Variants in SLC9C1 observed in about 807,000 individuals in gnomAD.
SLC9C1 encodes the protein sodium/hydrogen exchanger 10.
A neutral mutation model predicts 140.9 loss-of-function variants in SLC9C1; 97 were observed. That is an observed-to-expected ratio of 0.69 (90% confidence interval 0.58 to 0.82). SLC9C1 has a LOEUF of 0.82. Among genes scored for constraint, SLC9C1 ranks in the 40% least tolerant of loss-of-function variants. SLC9C1 has a pLI of 0.00. For synonymous variants in SLC9C1, 440 were observed against 442.6 expected (o/e 0.99, Z 0.07); for missense variants, 1,340 against 1,389.3 (o/e 0.96, Z 0.56).
Position 112,254,433 on chromosome 3 carries a change from T to G in SLC9C1, c.1197+8491A>C, listed in dbSNP as rs558161134. Among the ~76,000 whole-genome samples the G allele has an allele frequency of 3.3e-5, 5 of 152,296 alleles. No individual in the cohort carries two copies. The South Asian group carries it at 6.2e-4, about 19-fold the overall frequency. On this transcript the variant is annotated intron_variant, in intron 10 of 28. Coordinates refer to ENST00000305815, the MANE Select transcript of SLC9C1 (RefSeq NM_183061.3). The stretch of plus-strand genomic sequence containing the variant: ...AGCCAGAAGTGACTGGGGGCTTATA[T>G]TCAACATTCTTAGACAAAAAATCGT...
rs58937356 is a variant in SLC9C1 at position 112,293,112 on chromosome 3, CAAAA to C, written c.-88+977_-88+980del. Among the ~76,000 whole-genome samples, 139 of 128,968 alleles carry C rather than the reference CAAAA, an allele frequency of 1.1e-3. 1 individual carries two copies. Among genetic ancestry groups the C allele is most frequent in the African/African-American group, 2.3e-3 (79 of 33,954 alleles). 84.6% of individuals were successfully genotyped at this position (128,968 alleles called of 152,430 possible). On this transcript the variant is annotated intron_variant, in intron 1 of 28. Transcript: ENST00000305815. ...AGTGAAACTGTCTCTACTAAAAATACAAAAAAAAAAAAAAAAAAATTAGCCAGGT... is the reference window on the plus strand; with the variant it reads ...AGTGAAACTGTCTCTACTAAAAATACAAAAAAAAAAAAAAATTAGCCAGGT...
At chr3:112,266,440 G>GTT in intron 7 of SLC9C1, 100 bp from the exon 8 acceptor site, 3 of 852,354 alleles carry the variant, frequency 3.5e-6, no homozygotes, top group Non-Finnish European at 5.3e-6. Flanking sequence ...ACAGTACCAT[G>GTT]ACTTTTATAG....
chr3:112,160,595 G>T (rs2075268858), intron 26 of SLC9C1, among the ~76,000 whole-genome samples: 1 of 151,794 alleles, frequency 6.6e-6, no homozygotes, highest in African/African-American at 2.4e-5. Flanking sequence ...CAAAGGACAT[G>T]AACTCATCAT....
In SLC9C1 at chr3:112,264,311, A is replaced by G; in HGVS notation, c.911T>C (p.Leu304Pro). The G allele has an allele frequency of 6.8e-7, 1 of 1,477,384 alleles. No homozygotes were observed. The highest frequency in any genetic ancestry group is 9.0e-7 in the Non-Finnish European group (1 of 1,114,448). 91.5% of individuals were successfully genotyped at this position (1,477,384 alleles called of 1,614,324 possible). A position where few individuals can be genotyped will look rare whatever the true frequency, so the allele number is the denominator to read the frequency against. ...AAGTCCAAAGAAAGTAAACACCATGAGAAAAGCAATACGTGATAGAAAAGT... is the reference window on the plus strand; with the variant it reads ...AAGTCCAAAGAAAGTAAACACCATGGGAAAAGCAATACGTGATAGAAAAGT... Reference protein sequence around the residue: ...FWTFLSRIAFLMVFTFFGLLI... With the variant: ...FWTFLSRIAFPMVFTFFGLLI... The change falls in exon 9 of 29, where the codon CTC becomes CCC. Residue 304 changes from leucine (L) to proline (P), a missense_variant. Transcript: ENST00000305815.
At chr3:112,248,220 C>G (rs2079347758) in intron 10 of SLC9C1, among the ~76,000 whole-genome samples, 1 of 152,084 alleles carries the variant, frequency 6.6e-6, no homozygotes, top group South Asian at 2.1e-4. Context: ...ATCTTGTCAA[C>G]AAAACCACAC....
rs967141935 is a variant in SLC9C1, at chr3:112,151,786, C to T, written c.3524+71G>A. On this transcript the variant is annotated intron_variant, in intron 28 of 28. Coordinates refer to ENST00000305815, the MANE Select transcript of SLC9C1 (RefSeq NM_183061.3). ...ACACTATCACATAAAGGGCAAGTAA[C>T]TTTGGCTTCAGTCTGTATCTCCAGG... 5.1e-6 allele frequency: 6 copies of T among 1,175,168 alleles called. 1 individual carries two copies. In the African/African-American group the frequency reaches 7.7e-5, roughly 15 times the overall value. The allele number at this position is 1,175,168 out of a possible 1,614,324, so 72.8% of individuals were successfully genotyped here. A position where few individuals can be genotyped will look rare whatever the true frequency, so the allele number is the denominator to read the frequency against.
chr3:112,231,178 C>CT (rs2078815813), intron 13 of SLC9C1, among the ~76,000 whole-genome samples, 183 bp downstream of exon 13: 1 of 149,292 alleles, frequency 6.7e-6, no homozygotes, highest in African/African-American at 2.5e-5. Flanking sequence ...CTTTCTTTTT[C>CT]TTTCTTTCCT....
chr3:112,275,151 G>T, intron 5 of SLC9C1, 126 bp from the exon 6 acceptor site: 1 of 974,568 alleles, frequency 1.0e-6, no homozygotes, highest in Non-Finnish European at 1.4e-6. Context: ...TGTAAGTTAA[G>T]TTTAGACAAT....
chr3:112,145,251 ACC>A (rs1374091589), intron 28 of SLC9C1, among the ~76,000 whole-genome samples: 1 of 100,556 alleles, frequency 9.9e-6, no homozygotes, highest in Non-Finnish European at 2.5e-5. Context: ...TATGTGGTGA[ACC>A]ACAGTTATTG....
chr3:112,253,630 C>T (rs531528330), intron 10 of SLC9C1, among the ~76,000 whole-genome samples: 17 of 152,296 alleles, frequency 1.1e-4, no homozygotes, highest in African/African-American at 3.9e-4. Context: ...ACTGACTGCA[C>T]ACAATCTGCA....
At chr3:112,275,606 T>G (rs2080191329) in intron 5 of SLC9C1, among the ~76,000 whole-genome samples, 1 of 152,188 alleles carries the variant, frequency 6.6e-6, no homozygotes, top group Non-Finnish European at 1.5e-5. Flanking sequence ...CCATTAAATG[T>G]GCATGTAGTG....
intron 10 of SLC9C1, among the ~76,000 whole-genome samples, chr3:112,257,855 A>G (rs4274721): frequency 0.3 from 45,030 of 152,026 alleles, 7,222 homozygotes; most frequent in East Asian, 0.43. Context: ...AATTTACAAG[A>G]AAACAACCCC....
chr3:112,170,968 C>G (rs2077234956), intron 23 of SLC9C1, among the ~76,000 whole-genome samples: 1 of 152,204 alleles, frequency 6.6e-6, no homozygotes, highest in Admixed American at 6.5e-5. Context: ...AATCTTAGCA[C>G]TTTGGGAGGC....
intron 28 of SLC9C1, among the ~76,000 whole-genome samples, chr3:112,141,805 A>C (rs2074632903): frequency 6.6e-6 from 1 of 152,212 alleles, no homozygotes; most frequent in Admixed American, 6.6e-5. Context: ...TCCTATTCTC[A>C]TCCTTCTAAT....
chr3:112,179,312 C>G (rs1222025265), intron 23 of SLC9C1, among the ~76,000 whole-genome samples: 1 of 152,042 alleles, frequency 6.6e-6, no homozygotes, highest in Non-Finnish European at 1.5e-5. Context: ...TTTCTGGATA[C>G]ATCTTTCTTT....
At chr3:112,264,431 T>A in intron 8 of SLC9C1, 88 bp from the exon 9 acceptor site, 1 of 711,540 alleles carries the variant, frequency 1.4e-6, no homozygotes, top group South Asian at 4.1e-5. Flanking sequence ...ATCATTGTGC[T>A]AATGATTACC....
intron 22 of SLC9C1, among the ~76,000 whole-genome samples, chr3:112,180,290 G>C (rs2077414505): frequency 2.0e-5 from 3 of 152,230 alleles, no homozygotes; most frequent in Admixed American, 2.0e-4. Flanking sequence ...GGGAGGCTGA[G>C]GCGGGCGGAT....
chr3:112,241,040 A>G (rs1212857452), intron 11 of SLC9C1, among the ~76,000 whole-genome samples: 2 of 152,186 alleles, frequency 1.3e-5, no homozygotes, highest in Non-Finnish European at 2.9e-5. Flanking sequence ...TAGAAAGAAT[A>G]AATAAGACTT....
chr3:112,204,756 A>T (rs1470066311), intron 16 of SLC9C1, among the ~76,000 whole-genome samples: 1 of 152,112 alleles, frequency 6.6e-6, no homozygotes, highest in African/African-American at 2.4e-5. Flanking sequence ...ATGCCATAAA[A>T]ATCCTGGGGG....
Sources: gnomAD v4.1 joint callset for allele counts (sites outside exome capture counted in the v4.1 genomes callset) on GRCh38, gnomAD v4.1.1 for gene constraint, MANE v1.5 for transcripts, NCBI Gene and HGNC (gene_info 2026-07-23, HGNC 2026-07-21) for gene names.